FBXW4: variants seen among roughly 807,000 people sequenced by gnomAD.
FBXW4 encodes the protein F-box and WD repeat domain containing 4.
In FBXW4, 40 loss-of-function variants were observed where a neutral mutation model predicts 61.8. That is an observed-to-expected ratio of 0.65 (90% confidence interval 0.50 to 0.84). The LOEUF (loss-of-function observed/expected upper bound fraction) is 0.84. Among genes scored for constraint, FBXW4 ranks in the 40% least tolerant of loss-of-function variants. FBXW4 has a pLI of 0.00. For synonymous variants in FBXW4, 311 were observed against 313.8 expected, an observed-to-expected ratio of 0.99 and a Z score of 0.10; for missense variants, 672 against 753.8, an observed-to-expected ratio of 0.89 and a Z score of 1.27.
In FBXW4 at chr10:101,655,790, C is replaced by T. The variant is rs545161471; in HGVS notation, c.1235+12096G>A. 6.6e-5 allele frequency among the ~76,000 whole-genome samples: 10 copies of T among 152,312 alleles called. No homozygotes were observed. In the East Asian group the frequency reaches 9.6e-4, roughly 15 times the overall value. Reference sequence around the variant, plus strand: ...CTCCAGCCCGGAAGGGCCATGATGCCGTAAGTCTGGGATGAGGAGCATGTG... The same window carrying T: ...CTCCAGCCCGGAAGGGCCATGATGCTGTAAGTCTGGGATGAGGAGCATGTG... On this transcript the variant is annotated intron_variant, in intron 5 of 8. Transcript: ENST00000331272.
intron 1 of FBXW4, among the ~76,000 whole-genome samples, chr10:101,693,828 G>C (rs906743593): frequency 5.3e-5 from 8 of 152,066 alleles, no homozygotes; most frequent in Admixed American, 2.6e-4. Context: ...CCCCTTTTTC[G>C]TGTCGCTCTG....
intron 5 of FBXW4, among the ~76,000 whole-genome samples, chr10:101,647,146 T>C (rs2064107062): frequency 6.6e-6 from 1 of 152,232 alleles, no homozygotes; most frequent in South Asian, 2.1e-4. Context: ...TCAAGAATCA[T>C]GTTTTCTGGG....
At chr10:101,633,847 A>C (rs1402804768) in intron 5 of FBXW4, among the ~76,000 whole-genome samples, 2 of 152,160 alleles carry the variant, frequency 1.3e-5, no homozygotes, top group Non-Finnish European at 2.9e-5. Flanking sequence ...GTGGTGGCTT[A>C]CACCTGTAAT....
At chr10:101,621,917 C>T (rs565891021) in intron 6 of FBXW4, among the ~76,000 whole-genome samples, 1 of 152,274 alleles carries the variant, frequency 6.6e-6, no homozygotes, top group Admixed American at 6.5e-5. Context: ...ACTTGCTTGT[C>T]TCTTGTCTAG....
At chr10:101,619,106 C>G (rs1181926667) in intron 6 of FBXW4, among the ~76,000 whole-genome samples, 2 of 152,126 alleles carry the variant, frequency 1.3e-5, no homozygotes, top group Admixed American at 1.3e-4. Context: ...CAGGCTCGGG[C>G]AGGATGGCTT....
At chr10:101,612,550 T>C (rs2063796861) in intron 6 of FBXW4, 73 bp from the exon 7 acceptor site, 1 of 1,382,218 alleles carries the variant, frequency 7.2e-7, no homozygotes, top group Admixed American at 2.5e-5. Flanking sequence ...TCAGAAGGCA[T>C]CAGACCTTGG....
chr10:101,640,484 CTTTTTTTTTTT>C (rs386372272), intron 5 of FBXW4, among the ~76,000 whole-genome samples: 1 of 83,874 alleles, frequency 1.2e-5, no homozygotes, highest in Non-Finnish European at 2.0e-5. Context: ...CTTTCTTTCT[CTTTTTTTTTTT>C]TTTTTTTTTT....
At chr10:101,664,581 G>C (rs942200942) in intron 5 of FBXW4, among the ~76,000 whole-genome samples, 3 of 152,182 alleles carry the variant, frequency 2.0e-5, no homozygotes, top group Non-Finnish European at 4.4e-5. Context: ...AACACTACAG[G>C]GGGAAGAGAG....
chr10:101,623,612 T>C (rs1466955878), intron 6 of FBXW4, among the ~76,000 whole-genome samples: 7 of 152,218 alleles, frequency 4.6e-5, no homozygotes, highest in Non-Finnish European at 1.0e-4. Flanking sequence ...TGAAAATGTA[T>C]GCCCACACAA....
chr10:101,672,397 C>T (rs1263981504), intron 4 of FBXW4, among the ~76,000 whole-genome samples: 2 of 152,178 alleles, frequency 1.3e-5, no homozygotes, highest in Non-Finnish European at 2.9e-5. Context: ...GTGGACCGGG[C>T]AATTTGGCAA....
At chr10:101,624,175 G>C (rs764337388) in intron 6 of FBXW4, among the ~76,000 whole-genome samples, 12 of 150,960 alleles carry the variant, frequency 7.9e-5, no homozygotes, top group Non-Finnish European at 1.3e-4. Flanking sequence ...TTCCTGGTTT[G>C]ATTATTACAT....
intron 5 of FBXW4, among the ~76,000 whole-genome samples, chr10:101,664,337 G>C (rs1187263547): frequency 6.6e-6 from 1 of 152,228 alleles, no homozygotes; most frequent in Non-Finnish European, 1.5e-5. Flanking sequence ...GAAAAGAGCT[G>C]TGCTAGGTCT....
Position 101,672,991 on chromosome 10 carries a change from G to A in FBXW4, c.1064C>T (p.Ala355Val). 6.2e-7 allele frequency: 1 copy of A among 1,613,928 alleles called. No individual in the cohort carries two copies. The highest frequency in any genetic ancestry group is 8.5e-7 in the Non-Finnish European group (1 of 1,179,980). ...CACACAGTTCACCTCCTGTTCATGA[G>A]CCGAGTACTTGACAGTGAAGGTGCT... ...IHSTFTVKYSAHEQEVNCVDC... is the reference protein window; with the variant it reads ...IHSTFTVKYSVHEQEVNCVDC... Residue 355 changes from alanine to valine, a missense_variant, in exon 4 of 9, where the codon GCT becomes GTT. Ala to Val is a moderately conservative substitution (Grantham distance 64). This residue lies in a region of FBXW4 where 312 missense variants were observed against 370.1 expected (regional missense o/e 0.84). Transcript: ENST00000331272.
At chr10:101,663,414 T>C (rs1348558366) in intron 5 of FBXW4, among the ~76,000 whole-genome samples, 1 of 152,262 alleles carries the variant, frequency 6.6e-6, no homozygotes, top group Non-Finnish European at 1.5e-5. Flanking sequence ...TTAGTATTTC[T>C]ACATTTCCTC....
In FBXW4 at chr10:101,631,862, T is replaced by C. The variant is rs189844266; in HGVS notation, c.1236-7052A>G. Among the ~76,000 whole-genome samples the C allele has an allele frequency of 6.9e-3, 1,045 of 152,188 alleles. 21 individuals are homozygous for C. The South Asian group carries it at 0.074, about 11-fold the overall frequency. ...CAGGATGGTCTTGATCTCCTGACCT[T>C]GTGATCCACCCACCTTGGCCTCCCA... On this transcript the variant is annotated intron_variant, in intron 5 of 8. Coordinates refer to ENST00000331272, the MANE Select transcript of FBXW4 (RefSeq NM_022039.4).
At chr10:101,650,739 C>T (rs2064138385) in intron 5 of FBXW4, among the ~76,000 whole-genome samples, 1 of 152,194 alleles carries the variant, frequency 6.6e-6, no homozygotes, top group Admixed American at 6.5e-5. Context: ...GGCCGAAGAC[C>T]CTCCAAGAAG....
At chr10:101,627,853 T>G in intron 5 of FBXW4, 1 of 594,828 alleles carries the variant, frequency 1.7e-6, no homozygotes, top group Non-Finnish European at 2.1e-6. Context: ...GACTCCTCCC[T>G]TGAGACTCAC....
chr10:101,650,830 TC>T (rs2064139332), intron 5 of FBXW4, among the ~76,000 whole-genome samples: 1 of 151,866 alleles, frequency 6.6e-6, no homozygotes, highest in African/African-American at 2.4e-5. Context: ...AAATCAACAC[TC>T]CGTGAACACA....
At chr10:101,664,194 T>A (rs1204158346) in intron 5 of FBXW4, among the ~76,000 whole-genome samples, 1 of 152,220 alleles carries the variant, frequency 6.6e-6, no homozygotes, top group African/African-American at 2.4e-5. Flanking sequence ...AGCCTCTGGA[T>A]TGAGGTTTCA....
Sources: allele counts gnomAD v4.1 joint callset (sites outside exome capture counted in the v4.1 genomes callset), GRCh38; gene constraint gnomAD v4.1.1; regional missense constraint gnomAD v4.1.1; transcripts MANE v1.5; gene names NCBI Gene and HGNC (gene_info 2026-07-23, HGNC 2026-07-21).